Variants in PLCB4 observed in about 807,000 individuals in gnomAD.
The protein encoded by PLCB4 is 1-phosphatidylinositol 4,5-bisphosphate phosphodiesterase beta-4.
PLCB4 carries 77 observed loss-of-function variants against 178.8 expected under a neutral mutation model. The observed-to-expected ratio is 0.43, with a 90% confidence interval of 0.36 to 0.52. The LOEUF is 0.52. Among genes scored for constraint, PLCB4 ranks in the 20% least tolerant of loss-of-function variants. The pLI, the probability that PLCB4 is intolerant of heterozygous loss-of-function variation, is 0.00. For missense variants in PLCB4, 1,024 were observed against 1,453.4 expected (o/e 0.70, Z 4.80); for synonymous variants, 496 against 490.8 (o/e 1.01, Z -0.14).
intron 4 of PLCB4, among the ~76,000 whole-genome samples, chr20:9,333,794 G>A (rs1189436936): frequency 6.6e-6 from 1 of 152,072 alleles, no homozygotes; most frequent in African/African-American, 2.4e-5. Flanking sequence ...AAGAAGACTT[G>A]CTACTGAAAG....
At position 9,215,269 on chromosome 20, in the gene PLCB4, T is replaced by C. The variant is rs572003458; in HGVS notation, c.-78-2121T>C. On this transcript the variant is annotated intron_variant, in intron 2 of 39. Coordinates refer to ENST00000378473, the MANE Select transcript of PLCB4 (RefSeq NM_001377142.1). Reference sequence around the variant, plus strand: ...GTCTTCATGGGAGTCGTATCTTCATTATTAATACATAATTACAAATATAAA... The same window carrying C: ...GTCTTCATGGGAGTCGTATCTTCATCATTAATACATAATTACAAATATAAA... Among the ~76,000 whole-genome samples, 4 of 152,322 alleles carry C rather than the reference T, an allele frequency of 2.6e-5. No individual in the cohort carries two copies. The East Asian group carries it at 7.7e-4, about 29-fold the overall frequency.
intron 4 of PLCB4, among the ~76,000 whole-genome samples, chr20:9,316,055 A>G (rs1030499587): frequency 3.9e-5 from 6 of 152,346 alleles, no homozygotes; most frequent in African/African-American, 1.4e-4. Context: ...GCATGTCGAA[A>G]GAAGAGCACC....
chr20:9,184,861 C>T (rs931222002), intron 2 of PLCB4, among the ~76,000 whole-genome samples: 5 of 152,192 alleles, frequency 3.3e-5, no homozygotes, highest in African/African-American at 9.7e-5. Context: ...CAGAACCACA[C>T]CTAAGTGAAA....
chr20:9,283,159 G>A (rs742279), intron 3 of PLCB4, among the ~76,000 whole-genome samples: 37,544 of 151,704 alleles, frequency 0.25, 4,961 homozygotes, highest in East Asian at 0.37. Flanking sequence ...CCCCCAGAAG[G>A]GACACACTTT....
intron 13 of PLCB4, among the ~76,000 whole-genome samples, chr20:9,380,833 G>A (rs758632232): frequency 6.6e-6 from 1 of 152,158 alleles, no homozygotes; most frequent in Non-Finnish European, 1.5e-5. Flanking sequence ...AGAGCCTTTG[G>A]CGTTATGTCT....
intron 4 of PLCB4, among the ~76,000 whole-genome samples, chr20:9,316,705 G>T (rs2094903113): frequency 6.6e-6 from 1 of 152,178 alleles, no homozygotes; most frequent in South Asian, 2.1e-4. Flanking sequence ...GATGTGAGAA[G>T]AAAGCCAAGG....
chr20:9,208,481 A>G (rs2147227090), intron 2 of PLCB4, among the ~76,000 whole-genome samples: 1 of 152,128 alleles, frequency 6.6e-6, no homozygotes, highest in East Asian at 1.9e-4. Context: ...TTATCTAATA[A>G]GCCATGTACT....
intron 2 of PLCB4, among the ~76,000 whole-genome samples, chr20:9,111,732 T>G: frequency 6.6e-6 from 1 of 152,210 alleles, no homozygotes. Flanking sequence ...TGATGGGCAG[T>G]TCATTTAAGA....
At chr20:9,126,081 T>TA (rs1400480792) in intron 2 of PLCB4, among the ~76,000 whole-genome samples, 1 of 152,198 alleles carries the variant, frequency 6.6e-6, no homozygotes, top group Non-Finnish European at 1.5e-5. Flanking sequence ...CCATACTTTT[T>TA]ATAACTTGCA....
rs751655756 is a variant in PLCB4, at chr20:9,370,395, T to C, written c.504-819T>C. ...TTAGCTTGAAAACAAGAACAAAATATGTCTGATCACGCCCGTGTCAACTGT... is the reference window on the plus strand; with the variant it reads ...TTAGCTTGAAAACAAGAACAAAATACGTCTGATCACGCCCGTGTCAACTGT... On this transcript the variant is annotated intron_variant, in intron 9 of 39. Transcript: ENST00000378473. Among the ~76,000 whole-genome samples, 18 of 152,066 alleles carry C rather than the reference T, an allele frequency of 1.2e-4. 1 individual carries two copies. Among genetic ancestry groups the C allele is most frequent in the Non-Finnish European group, 1.2e-4 (8 of 68,004 alleles).
chr20:9,478,421 C>T (rs1206631127), intron 39 of PLCB4, among the ~76,000 whole-genome samples: 2 of 152,202 alleles, frequency 1.3e-5, no homozygotes, highest in Non-Finnish European at 2.9e-5. Context: ...CTCACCTGAA[C>T]TTCTCTATCA....
chr20:9,105,060 T>G (rs918597910), intron 2 of PLCB4, among the ~76,000 whole-genome samples: 1 of 152,100 alleles, frequency 6.6e-6, no homozygotes, highest in Non-Finnish European at 1.5e-5. Flanking sequence ...AATGAGTGAA[T>G]GAAGATATGA....
Position 9,480,518 on chromosome 20 carries a change from A to G in PLCB4, c.*1509A>G, listed in dbSNP as rs1239952510. 1 of 152,468 alleles carries G rather than the reference A, an allele frequency of 6.6e-6. No individual in the cohort carries two copies. The highest frequency in any genetic ancestry group is 1.5e-5 in the Non-Finnish European group (1 of 68,028). 9.4% of individuals were successfully genotyped at this position (152,468 alleles called of 1,614,324 possible). A position where few individuals can be genotyped will look rare whatever the true frequency, so the allele number is the denominator to read the frequency against. ...TTTGCTCCCAAGACACATTCTAGCA[A>G]ATGTTTTGCCTTTTTCATATACATG... On this transcript the variant is annotated 3_prime_UTR_variant, in exon 40 of 40. Coordinates refer to ENST00000378473, the MANE Select transcript of PLCB4 (RefSeq NM_001377142.1).
chr20:9,329,345 A>G (rs1807714611), intron 4 of PLCB4, among the ~76,000 whole-genome samples: 1 of 152,182 alleles, frequency 6.6e-6, no homozygotes, highest in Non-Finnish European at 1.5e-5. Context: ...CTATCTGCCT[A>G]ATAATTTCTT....
intron 12 of PLCB4, among the ~76,000 whole-genome samples, chr20:9,376,398 C>A (rs1409352057): frequency 6.6e-6 from 1 of 152,178 alleles, no homozygotes; most frequent in Non-Finnish European, 1.5e-5. Flanking sequence ...GCGACATATA[C>A]CTTCTGTTAT....
rs565089581 is a variant in PLCB4, at chr20:9,480,040, G to A, written c.*1031G>A. 2 of 152,288 alleles carry A rather than the reference G, an allele frequency of 1.3e-5. No homozygotes were observed. Among genetic ancestry groups the A allele is most frequent in the Non-Finnish European group, 2.9e-5 (2 of 67,940 alleles). The allele number at this position is 152,288 out of a possible 1,614,324, so 9.4% of individuals were successfully genotyped here. On this transcript the variant is annotated 3_prime_UTR_variant, in exon 40 of 40. Coordinates refer to ENST00000378473, the MANE Select transcript of PLCB4 (RefSeq NM_001377142.1). The stretch of plus-strand genomic sequence containing the variant: ...TATATATGTGTATATGAATTATGTG[G>A]GCATTCTTGATACTTCAAGTTCTAG...
intron 2 of PLCB4, among the ~76,000 whole-genome samples, chr20:9,109,476 T>C (rs994562342): frequency 2.7e-4 from 41 of 152,046 alleles, no homozygotes; most frequent in Non-Finnish European, 5.9e-5. Flanking sequence ...TTGCTTTTTT[T>C]TTTTTCGTAA....
Position 9,272,518 on chromosome 20 carries a change from C to T in PLCB4, c.-15-35282C>T, listed in dbSNP as rs142253393. On this transcript the variant is annotated intron_variant, in intron 3 of 39. Coordinates refer to ENST00000378473, the MANE Select transcript of PLCB4 (RefSeq NM_001377142.1). ...AGGGTCTGGGTCTCAACCCCTATCTCCTCTCCTCCCCTCATTCCTCCTCCA... is the reference window on the plus strand; with the variant it reads ...AGGGTCTGGGTCTCAACCCCTATCTTCTCTCCTCCCCTCATTCCTCCTCCA... 3.1e-3 allele frequency among the ~76,000 whole-genome samples: 465 copies of T among 152,188 alleles called. 2 individuals are homozygous for T. The highest frequency in any genetic ancestry group is 0.011 in the African/African-American group (451 of 41,534).
At chr20:9,240,628 C>T (rs1366676023) in intron 3 of PLCB4, among the ~76,000 whole-genome samples, 3 of 152,152 alleles carry the variant, frequency 2.0e-5, no homozygotes, top group Non-Finnish European at 4.4e-5. Context: ...ACTTCAGTTC[C>T]CTCTGGGCAT....
Sources: gnomAD v4.1 joint callset for allele counts (sites outside exome capture counted in the v4.1 genomes callset) on GRCh38, gnomAD v4.1.1 for gene constraint, MANE v1.5 for transcripts, NCBI Gene and HGNC (gene_info 2026-07-23, HGNC 2026-07-21) for gene names.